Variants in GGT1 observed in about 807,000 individuals in gnomAD.
GGT1 encodes glutathione hydrolase 1 proenzyme.
In GGT1, 21 loss-of-function variants were observed where a neutral mutation model predicts 56.0. That is an observed-to-expected ratio of 0.38 (90% CI 0.27 to 0.54). The LOEUF is 0.54. Ranked by LOEUF, GGT1 falls within the 20% of genes least tolerant of loss-of-function variation. The pLI is 0.82. For missense variants in GGT1, 466 were observed against 787.0 expected, an observed-to-expected ratio of 0.59 and a Z score of 4.88; for synonymous variants, 238 against 342.6, an observed-to-expected ratio of 0.69 and a Z score of 3.37.
At chr22:24,590,202 A>T (rs1186399278), upstream of GGT1, among the ~76,000 whole-genome samples, 1 of 152,066 alleles carries the variant, frequency 6.6e-6, no homozygotes, top group Non-Finnish European at 1.5e-5. Flanking sequence ...GCGTGATCTC[A>T]GTTCAGTGTA....
chr22:24,593,005 T>G, upstream of GGT1: 1 of 1,123,496 alleles, frequency 8.9e-7, no homozygotes, highest in Non-Finnish European at 1.1e-6. Flanking sequence ...AGAGCCAGCC[T>G]CGGGCCCGGC....
chr22:24,605,140 A>T lies in GGT1; in HGVS notation c.-429+1613A>T, dbSNP rs560145840. Among the ~76,000 whole-genome samples, 21 of 23,194 alleles carry T rather than the reference A, an allele frequency of 9.1e-4. 2 individuals carry two copies. The highest frequency in any genetic ancestry group is 6.7e-3 in the East Asian group (6 of 894). 15.2% of individuals were successfully genotyped at this position (23,194 alleles called of 152,430 possible). ...TATATAATATGTAATATATTATATA[A>T]TATATAATATGTATTATATTATATA... On this transcript the variant is annotated intron_variant, in intron 1 of 15. Coordinates refer to ENST00000400382, the MANE Select transcript of GGT1 (RefSeq NM_001288833.2).
chr22:24,623,023 C>T, intron 9 of GGT1, 84 bp from the exon 10 acceptor site: 2 of 1,579,838 alleles, frequency 1.3e-6, no homozygotes, highest in Non-Finnish European at 1.7e-6. Flanking sequence ...CATGCCTGCC[C>T]CCAACACCAC....
chr22:24,597,635 A>G (rs140371945), intron 1 of GGT1, among the ~76,000 whole-genome samples: 2 of 151,896 alleles, frequency 1.3e-5, no homozygotes, highest in East Asian at 3.9e-4. Context: ...GAGCCGAGAT[A>G]GCACCACGGC....
chr22:24,592,625 C>A (rs1352491201), upstream of GGT1: 9 of 586,764 alleles, frequency 1.5e-5, no homozygotes, highest in East Asian at 3.5e-4. Flanking sequence ...CCCTCCTCCA[C>A]ACGGTCCGCC....
chr22:24,587,496 G>A, the GGT1 span, among the ~76,000 whole-genome samples: 2 of 152,332 alleles, frequency 1.3e-5, no homozygotes, highest in Admixed American at 1.3e-4. Context: ...GCTCAGCGTG[G>A]CCTATTAGGC....
chr22:24,585,660 T>C, the GGT1 span: 1 of 583,438 alleles, frequency 1.7e-6, no homozygotes, highest in African/African-American at 1.9e-5. Flanking sequence ...TATTGCGGGG[T>C]CCACACTGTG....
chr22:24,612,040 T>C (rs2046739548), intron 5 of GGT1, among the ~76,000 whole-genome samples: 1 of 151,938 alleles, frequency 6.6e-6, no homozygotes, highest in African/African-American at 2.4e-5. Flanking sequence ...CTCCTGACCT[T>C]GTGATCCTCC....
At position 24,596,714 on chromosome 22, in the gene GGT1, A is replaced by G. The variant is rs567573475; in HGVS notation, c.-324+1828A>G. Reference sequence around the variant, plus strand: ...GGAAATTGAGGCCATCCTGTCCAACATGGTGAAACCCTGTCTCTACTAAAA... The same window carrying G: ...GGAAATTGAGGCCATCCTGTCCAACGTGGTGAAACCCTGTCTCTACTAAAA... On this transcript the variant is annotated intron_variant, in intron 1 of 6. Coordinates refer to the GGT1 transcript ENST00000411974. 4.2e-5 allele frequency among the ~76,000 whole-genome samples: 6 copies of G among 142,298 alleles called. No individual in the cohort carries two copies. In the South Asian group the frequency reaches 1.1e-3, roughly 27 times the overall value. 93.4% of individuals were successfully genotyped at this position (142,298 alleles called of 152,430 possible).
At chr22:24,594,482 G>A (rs889211086), upstream of GGT1, among the ~76,000 whole-genome samples, 6 of 151,574 alleles carry the variant, frequency 4.0e-5, no homozygotes, top group East Asian at 1.9e-4. Context: ...AGCACTGCCT[G>A]CCCAGAGATG....
At chr22:24,590,984 G>A (rs1020589812), upstream of GGT1, among the ~76,000 whole-genome samples, 4 of 152,006 alleles carry the variant, frequency 2.6e-5, no homozygotes, top group Admixed American at 6.6e-5. Flanking sequence ...TCACCCCACC[G>A]CCTGCATAGA....
In GGT1 at chr22:24,626,535, A is replaced by G. The variant is rs57958768; in HGVS notation, c.1021-897A>G. Among the ~76,000 whole-genome samples, 348 of 151,304 alleles carry G rather than the reference A, an allele frequency of 2.3e-3. No individual in the cohort carries two copies. The East Asian group carries it at 0.024, about 10-fold the overall frequency. On this transcript the variant is annotated intron_variant, in intron 11 of 15. Transcript: ENST00000400382. ...TTTAATACGTGCACCCATGCTCTTC[A>G]GGTCTGATGAAGTATCCAAAATCAA...
At chr22:24,621,695 TC>T (rs1031425288) in intron 9 of GGT1, among the ~76,000 whole-genome samples, 4 of 152,152 alleles carry the variant, frequency 2.6e-5, no homozygotes, top group African/African-American at 9.7e-5. Context: ...CCTCCTCTAT[TC>T]ATTCATCATG....
At chr22:24,611,773 T>TTGTG (rs57600451) in intron 5 of GGT1, among the ~76,000 whole-genome samples, 15,203 of 130,818 alleles carry the variant, frequency 0.12, 1,023 homozygotes, top group Admixed American at 0.2. Context: ...CCCAACAAAT[T>TTGTG]TGTGTGTGTG....
At chr22:24,626,692 G>T (rs1271678902) in intron 11 of GGT1, among the ~76,000 whole-genome samples, 1 of 150,910 alleles carries the variant, frequency 6.6e-6, no homozygotes, top group Admixed American at 6.7e-5. Context: ...CTCCCCTTTG[G>T]GCTTTATCCT....
At chr22:24,594,628 AC>A (rs954048724), upstream of GGT1, among the ~76,000 whole-genome samples, 22 of 151,344 alleles carry the variant, frequency 1.5e-4, no homozygotes, top group African/African-American at 5.1e-4. Context: ...CAGTGCTTGC[AC>A]CCCCTTCTCC....
chr22:24,620,585 C>G lies in GGT1; in HGVS notation c.575+65C>G. 6.2e-7 allele frequency: 1 copy of G among 1,608,204 alleles called. No homozygotes were observed. The highest frequency in any genetic ancestry group is 8.5e-7 in the Non-Finnish European group (1 of 1,177,922). On this transcript the variant is annotated intron_variant, in intron 8 of 15. Coordinates refer to ENST00000400382, the MANE Select transcript of GGT1 (RefSeq NM_001288833.2). The surrounding 1 kb of genome is among the most constrained non-coding windows in gnomAD (Gnocchi z 5.6). ...GGCACAGCCCAAGGACCTTGCAGGC[C>G]GTAGCAGCAGTGGAGCAGCCCTCTG... is the stretch of plus-strand genomic sequence containing the variant.
intron 1 of GGT1, among the ~76,000 whole-genome samples, chr22:24,606,314 T>G (rs1389784747): frequency 6.6e-6 from 1 of 151,262 alleles, no homozygotes; most frequent in Non-Finnish European, 1.5e-5. Flanking sequence ...CAGGCCCCAG[T>G]GTGTGATGTT....
chr22:24,597,868 C>T (rs2045721134), intron 1 of GGT1, among the ~76,000 whole-genome samples: 1 of 152,152 alleles, frequency 6.6e-6, no homozygotes, highest in Non-Finnish European at 1.5e-5. Context: ...TGCTGTCTAC[C>T]TGGAGATGGC....
Sources: allele counts gnomAD v4.1 joint callset (sites outside exome capture counted in the v4.1 genomes callset), GRCh38; gene constraint gnomAD v4.1.1; non-coding constraint Gnocchi (gnomAD v3.1); transcripts MANE v1.5; gene names NCBI Gene and HGNC (gene_info 2026-07-23, HGNC 2026-07-21).